ADORA2A: variants seen among roughly 807,000 people sequenced by gnomAD.
ADORA2A encodes adenosine receptor A2a.
In ADORA2A, 11 loss-of-function variants were observed where a neutral mutation model predicts 18.4. The observed-to-expected ratio is 0.60, with a 90% CI of 0.38 to 0.99. The LOEUF is 0.99. Ranked by LOEUF, ADORA2A falls within the 50% of genes least tolerant of loss-of-function variation. The pLI is 0.01. For missense variants in ADORA2A, 449 were observed against 556.1 expected (o/e 0.81, Z 1.94); for synonymous variants, 218 against 237.3 (o/e 0.92, Z 0.75).
chr22:24,432,737 G>A (rs1369431912), intron 1 of ADORA2A: 15 of 154,554 alleles, frequency 9.7e-5, no homozygotes, highest in Admixed American at 9.7e-4. Flanking sequence ...GTGAGCTGGA[G>A]TCCTGGCAGG....
rs112834019 is a variant in ADORA2A at position 24,434,880 on chromosome 22, C to T, written c.332+1144C>T. On this transcript the variant is annotated intron_variant, in intron 2 of 2. Coordinates refer to ENST00000337539, the MANE Select transcript of ADORA2A (RefSeq NM_000675.6). ...CTCAGAGAAGACAGCCAGCTGTTTCCGGGCCACACAACGAGTTGGTAGTGG... is the reference window on the plus strand; with the variant it reads ...CTCAGAGAAGACAGCCAGCTGTTTCTGGGCCACACAACGAGTTGGTAGTGG... 3.9e-5 allele frequency among the ~76,000 whole-genome samples: 6 copies of T among 152,312 alleles called. 1 individual carries two copies. Among genetic ancestry groups the T allele is most frequent in the African/African-American group, 7.2e-5 (3 of 41,566 alleles).
At chr22:24,438,424 CAG>C (rs2043231962) in intron 2 of ADORA2A, 1 of 152,202 alleles carries the variant, frequency 6.6e-6, no homozygotes, top group Admixed American at 6.5e-5. Flanking sequence ...GTGTCCGGCA[CAG>C]AGTCAGTGCT....
At chr22:24,438,806 G>T (rs1009286152) in intron 2 of ADORA2A, 2 of 152,026 alleles carry the variant, frequency 1.3e-5, no homozygotes, top group South Asian at 2.1e-4. Context: ...AAGCCACCAG[G>T]GTTTCTCTTT....
At chr22:24,426,084 T>C (rs536198331), upstream of ADORA2A, among the ~76,000 whole-genome samples, 78 of 152,274 alleles carry the variant, frequency 5.1e-4, no homozygotes, top group African/African-American at 1.9e-3. Context: ...AGCATGTGAC[T>C]TGAGAGCATC....
chr22:24,434,351 C>T (rs947041310), intron 2 of ADORA2A, among the ~76,000 whole-genome samples: 2 of 152,326 alleles, frequency 1.3e-5, no homozygotes, highest in East Asian at 1.9e-4. Flanking sequence ...AAGGACTCAT[C>T]GTCTTAGAGG....
At chr22:24,428,656 T>C (rs1333436927) in intron 1 of ADORA2A, among the ~76,000 whole-genome samples, 1 of 152,186 alleles carries the variant, frequency 6.6e-6, no homozygotes, top group Admixed American at 6.5e-5. Flanking sequence ...CACCTCCATG[T>C]TTTTTATTCT....
intron 1 of ADORA2A, chr22:24,429,163 GGCCTT>G (rs768702881): frequency 1.4e-4 from 21 of 152,312 alleles, no homozygotes; most frequent in Non-Finnish European, 2.4e-4. Flanking sequence ...GTGTACAGAG[GGCCTT>G]GCTAGTGCGA....
intron 2 of ADORA2A, among the ~76,000 whole-genome samples, chr22:24,436,044 A>G (rs762432930): frequency 6.6e-6 from 1 of 152,148 alleles, no homozygotes; most frequent in African/African-American, 2.4e-5. Context: ...GTTACTCACA[A>G]ACTCATGGGG....
At chr22:24,433,081 G>A (rs989989165) in intron 1 of ADORA2A, 50 bp from the exon 2 acceptor site, 1 of 460,238 alleles carries the variant, frequency 2.2e-6, no homozygotes, top group African/African-American at 2.0e-5. Context: ...CTTTCCGCAG[G>A]GCTCGCCCTC....
intron 2 of ADORA2A, among the ~76,000 whole-genome samples, chr22:24,436,333 G>C (rs550213731): frequency 6.6e-6 from 1 of 152,214 alleles, no homozygotes; most frequent in South Asian, 2.1e-4. Flanking sequence ...GCCGTTTCCT[G>C]CTCCACTCAG....
Position 24,441,387 on chromosome 22 carries a change from C to A in ADORA2A, c.1137C>A (p.Gly379=). Residue 379 remains glycine, a synonymous_variant, in exon 3 of 3, where the codon GGC becomes GGA. Coordinates refer to ENST00000337539, the MANE Select transcript of ADORA2A (RefSeq NM_000675.6). The part of the protein sequence containing the change: ...GSAQESQGNT[G]LPDVELLSHE... ...CCCAAGAGTCCCAGGGGAACACGGG[C>A]CTCCCAGACGTGGAGCTCCTTAGCC... The A allele has an allele frequency of 1.3e-6, 2 of 1,568,996 alleles. No homozygotes were observed. The highest frequency in any genetic ancestry group is 1.7e-6 in the Non-Finnish European group (2 of 1,158,306).
intron 1 of ADORA2A, chr22:24,430,251 T>TGCTTAAGGAGGG (rs61307346): frequency 0.17 from 26,184 of 151,764 alleles, 2,793 homozygotes; most frequent in Admixed American, 0.24. Context: ...CCTGCAGGAG[T>TGCTTAAGGAGGG]GCTTAAGGAG....
intron 2 of ADORA2A, among the ~76,000 whole-genome samples, chr22:24,437,468 G>A (rs1302753862): frequency 2.0e-5 from 3 of 152,086 alleles, no homozygotes; most frequent in East Asian, 1.9e-4. Context: ...TCCCCACCCC[G>A]TGGGCACCAG....
intron 2 of ADORA2A, among the ~76,000 whole-genome samples, chr22:24,435,802 T>C (rs1013240962): frequency 3.3e-5 from 5 of 152,292 alleles, no homozygotes; most frequent in Admixed American, 1.3e-4. Flanking sequence ...CCCAACTTCC[T>C]TGGAGCTGGA....
intron 2 of ADORA2A, among the ~76,000 whole-genome samples, chr22:24,436,067 G>A (rs2043167751): frequency 6.6e-6 from 1 of 152,218 alleles, no homozygotes; most frequent in Non-Finnish European, 1.5e-5. Context: ...GCCAGAGCAG[G>A]GAAGGACATA....
At position 24,438,006 on chromosome 22, in the gene ADORA2A, TGGCCCAG is replaced by T. The variant is rs2043221696; in HGVS notation, c.333-2568_333-2562del. ...ACAGTTTGAAAACCAGCAAAGCAGG[TGGCCCAG>T]GGCCCAGGCAGCTCTGCAACACCCC... On this transcript the variant is annotated intron_variant, in intron 2 of 2. Transcript: ENST00000337539. Among the ~76,000 whole-genome samples the T allele has an allele frequency of 2.0e-5, 3 of 152,388 alleles. No individual in the cohort carries two copies. In the South Asian group the frequency reaches 6.2e-4, roughly 32 times the overall value.
intron 2 of ADORA2A, chr22:24,439,505 G>A (rs1338228998): frequency 6.6e-6 from 1 of 152,200 alleles, no homozygotes; most frequent in African/African-American, 2.4e-5. Context: ...TCCTGGACTT[G>A]AAGGATGGGT....
At chr22:24,437,812 T>C (rs1020490445) in intron 2 of ADORA2A, among the ~76,000 whole-genome samples, 1 of 152,268 alleles carries the variant, frequency 6.6e-6, no homozygotes, top group Admixed American at 6.5e-5. Flanking sequence ...AAGTCAACAA[T>C]TGGACAGACC....
At chr22:24,434,822 C>A (rs2043133659) in intron 2 of ADORA2A, among the ~76,000 whole-genome samples, 1 of 152,234 alleles carries the variant, frequency 6.6e-6, no homozygotes, top group South Asian at 2.1e-4. Context: ...CCTTAGAGGT[C>A]ATTTCCTCTC....
Sources: gnomAD v4.1 joint callset for allele counts (sites outside exome capture counted in the v4.1 genomes callset) on GRCh38, gnomAD v4.1.1 for gene constraint, MANE v1.5 for transcripts, NCBI Gene and HGNC (gene_info 2026-07-23, HGNC 2026-07-21) for gene names.